Variants in TEKT3 observed in about 807,000 individuals in gnomAD.
TEKT3 encodes tektin 3, also known as tektin-3.
Under a neutral mutation model 49.8 loss-of-function variants are expected in TEKT3, and 49 were observed. That is an observed-to-expected ratio of 0.98 (90% confidence interval 0.78 to 1.25). The LOEUF (loss-of-function observed/expected upper bound fraction) is 1.25, where lower values mean the gene tolerates loss of function less well. TEKT3 is among the 50% of genes most tolerant of loss of function. The pLI, the probability that TEKT3 is intolerant of heterozygous loss-of-function variation, is 0.00. For missense variants in TEKT3, 595 were observed against 629.5 expected, an observed-to-expected ratio of 0.95 and a Z score of 0.59; for synonymous variants, 225 against 237.2, an observed-to-expected ratio of 0.95 and a Z score of 0.47.
rs1057465754 is a variant in TEKT3 at position 15,325,921 on chromosome 17, C to A, written c.663+2071G>T. ...AGAGTGGAGACCCATCACTGCAAAA[C>A]TATTTCATTCAGAATGTTCTATTTC... is the stretch of plus-strand genomic sequence containing the variant. On this transcript the variant is annotated intron_variant, in intron 4 of 8. Transcript: ENST00000395930. 3.3e-5 allele frequency among the ~76,000 whole-genome samples: 5 copies of A among 152,288 alleles called. No homozygotes were observed. The South Asian group carries it at 1.0e-3, about 32-fold the overall frequency.
chr17:15,327,863 C>A (rs574408397), intron 4 of TEKT3, 129 bp downstream of exon 4: 16 of 700,414 alleles, frequency 2.3e-5, no homozygotes, highest in Non-Finnish European at 3.2e-5. Flanking sequence ...TTGCTAAATG[C>A]TATCAGCATC....
rs750033959 is a variant in TEKT3 at position 15,312,243 on chromosome 17, C to G, written c.1101+16G>C. The G allele has an allele frequency of 6.2e-7, 1 of 1,612,980 alleles. No individual in the cohort carries two copies. The highest frequency in any genetic ancestry group is 2.2e-5 in the East Asian group (1 of 44,882). ...TGTCCAGGTCAGCTAAGGGGTACCA[C>G]TGGCGGTTGATTTACCTTTGCTAAG... On this transcript the variant is annotated intron_variant, in intron 7 of 8. Transcript: ENST00000395930.
upstream of TEKT3, among the ~76,000 whole-genome samples, chr17:15,343,452 C>T (rs559333708): frequency 6.6e-6 from 1 of 152,250 alleles, no homozygotes; most frequent in South Asian, 2.1e-4. Flanking sequence ...CGATAGAGAC[C>T]TCCTACAATG....
intron 4 of TEKT3, among the ~76,000 whole-genome samples, chr17:15,320,858 A>C (rs930650203): frequency 1.3e-4 from 20 of 152,148 alleles, no homozygotes; most frequent in Admixed American, 2.6e-4. Context: ...CAAAAGATGC[A>C]TGGAGTCCTG....
At chr17:15,340,805 A>T (rs941351120) in intron 1 of TEKT3, among the ~76,000 whole-genome samples, 1 of 152,210 alleles carries the variant, frequency 6.6e-6, no homozygotes, top group Non-Finnish European at 1.5e-5. Flanking sequence ...ATTTTAAAGA[A>T]GAAAAAAGTA....
intron 2 of TEKT3, among the ~76,000 whole-genome samples, chr17:15,332,115 T>TG (rs981013575): frequency 2.1e-5 from 2 of 96,120 alleles, no homozygotes; most frequent in African/African-American, 4.2e-5. Flanking sequence ...GTGGCGGGGG[T>TG]GGGGGGCAGA....
At chr17:15,319,214 G>A (rs1043166996) in intron 4 of TEKT3, 67 bp from the exon 5 acceptor site, 1 of 1,305,234 alleles carries the variant, frequency 7.7e-7, no homozygotes, top group African/African-American at 2.2e-5. Context: ...AATCAACAAT[G>A]TAACAAACAT....
In TEKT3 at chr17:15,304,301, A is replaced by G; in HGVS notation, c.1257-149T>C. 1.5e-6 allele frequency: 1 copy of G among 680,156 alleles called. No individual in the cohort carries two copies. Among genetic ancestry groups the G allele is most frequent in the East Asian group, 2.7e-5 (1 of 36,420 alleles). 42.1% of individuals were successfully genotyped at this position (680,156 alleles called of 1,614,324 possible). On this transcript the variant is annotated intron_variant, in intron 8 of 8. Transcript: ENST00000395930. The surrounding 1 kb of genome is among the most constrained non-coding windows in gnomAD (Gnocchi z 4.7). ...AATGAGAGGTGCATGAAATTAATAA[A>G]ATATAAAGAAATATAAAGAGAATGG...
At position 15,312,315 on chromosome 17, in the gene TEKT3, T is replaced by C. The variant is rs762706004; in HGVS notation, c.1045A>G (p.Asn349Asp). The C allele has an allele frequency of 1.4e-5, 23 of 1,614,262 alleles. No individual in the cohort carries two copies. The highest frequency in any genetic ancestry group is 1.9e-5 in the Non-Finnish European group (23 of 1,180,036). ...QFNKVNLSFT[N>D]RIAETADAKN... ...GCATCTGCAGTCTCAGCAATGCGATTGGTGAAAGACAAGTTCACTTTGTTG... is the reference window on the plus strand; with the variant it reads ...GCATCTGCAGTCTCAGCAATGCGATCGGTGAAAGACAAGTTCACTTTGTTG... The change falls in exon 7 of 9, where the codon AAT (asparagine) becomes GAT (aspartate). Residue 349 changes from asparagine to aspartate, a missense_variant. By Grantham distance (23) the Asn-to-Asp change is conservative. Transcript: ENST00000395930.
Position 15,331,434 on chromosome 17 carries a change from C to G in TEKT3, c.152G>C (p.Arg51Thr), listed in dbSNP as rs527849894. 1 of 1,613,946 alleles carries G rather than the reference C, an allele frequency of 6.2e-7. No homozygotes were observed. Among genetic ancestry groups the G allele is most frequent in the African/African-American group, 1.3e-5 (1 of 74,860 alleles). ...NLTHSLSLPW[R>T]PSTYYKVASN... ...GGCGACTTTGTAGTATGTGCTGGGT[C>G]TCCAAGGAAGGCTCAGGCTATGGGT... The change falls in exon 3 of 9, where the codon AGA becomes ACA. Residue 51 changes from arginine (R) to threonine (T), a missense_variant. Arg to Thr is a moderately conservative substitution (Grantham distance 71). Coordinates refer to ENST00000395930, the MANE Select transcript of TEKT3 (RefSeq NM_031898.3).
rs1317117831 is a variant in TEKT3 at position 15,331,602 on chromosome 17, T to C, written c.-17A>G. On this transcript the variant is annotated 5_prime_UTR_variant, in exon 3 of 9. Coordinates refer to ENST00000395930, the MANE Select transcript of TEKT3 (RefSeq NM_031898.3). ...ACGTTCCATGATGCCAAAACACTAT[T>C]TGTAAATCTCTCCTGTTAAAAAATA... is the stretch of plus-strand genomic sequence containing the variant. The C allele has an allele frequency of 6.3e-7, 1 of 1,586,528 alleles. No individual in the cohort carries two copies. Among genetic ancestry groups the C allele is most frequent in the Non-Finnish European group, 8.6e-7 (1 of 1,165,100 alleles).
At chr17:15,333,209 A>C (rs1911844061) in intron 2 of TEKT3, among the ~76,000 whole-genome samples, 1 of 152,174 alleles carries the variant, frequency 6.6e-6, no homozygotes, top group African/African-American at 2.4e-5. Flanking sequence ...TTTGGGGTTA[A>C]TGTCTATGGA....
chr17:15,324,605 A>AT (rs1171281291), intron 4 of TEKT3, among the ~76,000 whole-genome samples: 1 of 151,958 alleles, frequency 6.6e-6, no homozygotes, highest in Non-Finnish European at 1.5e-5. Flanking sequence ...TATTTTCTAT[A>AT]TTTTTTATTA....
intron 2 of TEKT3, among the ~76,000 whole-genome samples, chr17:15,333,337 A>G (rs230909): frequency 0.095 from 14,462 of 152,298 alleles, 835 homozygotes; most frequent in East Asian, 0.22. Context: ...GTACCCAAGT[A>G]CAAAATAATC....
chr17:15,332,788 GTAGA>G (rs1388858557), intron 2 of TEKT3, among the ~76,000 whole-genome samples: 1 of 152,178 alleles, frequency 6.6e-6, no homozygotes, highest in Non-Finnish European at 1.5e-5. Flanking sequence ...CCTCAGAGAA[GTAGA>G]TAAAGTAAAA....
chr17:15,305,292 C>G (rs1031638973), intron 8 of TEKT3, among the ~76,000 whole-genome samples: 5 of 152,180 alleles, frequency 3.3e-5, no homozygotes, highest in African/African-American at 4.8e-5. Flanking sequence ...GAAGCAACAA[C>G]AGGCCATGGG....
chr17:15,309,736 C>T (rs1227584901), intron 7 of TEKT3, among the ~76,000 whole-genome samples: 4 of 152,192 alleles, frequency 2.6e-5, no homozygotes, highest in Non-Finnish European at 5.9e-5. Flanking sequence ...CTTCACTTCC[C>T]ACCCACCCAG....
chr17:15,342,906 C>T (rs1340351642), upstream of TEKT3, among the ~76,000 whole-genome samples: 3 of 152,212 alleles, frequency 2.0e-5, no homozygotes, highest in South Asian at 2.1e-4. Context: ...TTTCTACATT[C>T]GGCCTAAGAA....
At chr17:15,329,269 C>T (rs1278412286) in intron 3 of TEKT3, among the ~76,000 whole-genome samples, 1 of 152,142 alleles carries the variant, frequency 6.6e-6, no homozygotes, top group East Asian at 1.9e-4. Flanking sequence ...TCTTTGGAGG[C>T]TTATCTGTTC....
Sources: gnomAD v4.1 joint callset for allele counts (sites outside exome capture counted in the v4.1 genomes callset) on GRCh38, gnomAD v4.1.1 for gene constraint, Gnocchi (gnomAD v3.1) non-coding constraint, MANE v1.5 for transcripts, NCBI Gene and HGNC (gene_info 2026-07-23, HGNC 2026-07-21) for gene names.